The following RNF13 variants were observed in gnomAD, a reference collection of about 807,000 sequenced individuals.
RNF13 encodes ring finger protein 13.
In RNF13, 19 loss-of-function variants were observed where a neutral mutation model predicts 37.7. The observed-to-expected ratio is 0.50, with a 90% confidence interval of 0.35 to 0.74. The LOEUF is 0.74. Among genes scored for constraint, RNF13 ranks in the 30% least tolerant of loss-of-function variants. The pLI is 0.01. For synonymous variants in RNF13, 144 were observed against 157.8 expected (o/e 0.91, Z 0.65); for missense variants, 375 against 453.0 (o/e 0.83, Z 1.56).
At chr3:149,899,566 A>G (rs1420067760) in intron 5 of RNF13, among the ~76,000 whole-genome samples, 1 of 152,244 alleles carries the variant, frequency 6.6e-6, no homozygotes, top group Non-Finnish European at 1.5e-5. Context: ...TGGAGAGAAC[A>G]CTGAAGGTGA....
At chr3:149,901,860 G>A (rs1158432498) in intron 5 of RNF13, among the ~76,000 whole-genome samples, 1 of 152,128 alleles carries the variant, frequency 6.6e-6, no homozygotes, top group East Asian at 1.9e-4. Context: ...TTCAGGTAAT[G>A]TGTATATGCA....
chr3:149,890,881 C>T (rs1714626338), intron 4 of RNF13, among the ~76,000 whole-genome samples: 1 of 152,110 alleles, frequency 6.6e-6, no homozygotes, highest in Non-Finnish European at 1.5e-5. Flanking sequence ...GTATTTCATC[C>T]CACAGCCTTT....
intron 8 of RNF13, among the ~76,000 whole-genome samples, chr3:149,949,151 T>C (rs1721062233): frequency 1.3e-5 from 2 of 152,224 alleles, no homozygotes; most frequent in Admixed American, 6.5e-5. Flanking sequence ...TATTAATACA[T>C]GGTTTTATGT....
chr3:149,852,265 T>C lies in RNF13; in HGVS notation c.115-251T>C, dbSNP rs537773125. Among the ~76,000 whole-genome samples, 229 of 152,278 alleles carry C rather than the reference T, an allele frequency of 1.5e-3. 1 individual carries two copies. Among genetic ancestry groups the C allele is most frequent in the African/African-American group, 5.2e-3 (215 of 41,578 alleles). ...TCTATGGGAAAAACTCAGAAAACAG[T>C]AGGCTGAATTAGTGTTGCTGCTCGA... is the stretch of plus-strand genomic sequence containing the variant. On this transcript the variant is annotated intron_variant, in intron 2 of 9. Coordinates refer to ENST00000392894, the MANE Select transcript of RNF13 (RefSeq NM_183381.3).
intron 8 of RNF13, among the ~76,000 whole-genome samples, chr3:149,940,453 T>C (rs142920714): frequency 0.013 from 2,010 of 152,254 alleles, 52 homozygotes; most frequent in African/African-American, 0.045. Context: ...TGTTCACAAG[T>C]AAAATCAAGT....
chr3:149,902,294 T>C, intron 6 of RNF13, 132 bp downstream of exon 6: 2 of 469,958 alleles, frequency 4.3e-6, no homozygotes, highest in Non-Finnish European at 7.7e-6. Context: ...TTTTAAATCA[T>C]TATGCTTTTA....
At chr3:149,919,054 C>T (rs981291484) in intron 7 of RNF13, among the ~76,000 whole-genome samples, 5 of 152,076 alleles carry the variant, frequency 3.3e-5, no homozygotes, top group African/African-American at 4.8e-5. Flanking sequence ...TGTAAATTTG[C>T]AATAATAACT....
At chr3:149,939,057 T>G (rs1043224174) in intron 8 of RNF13, 1 of 496,210 alleles carries the variant, frequency 2.0e-6, no homozygotes, top group African/African-American at 2.0e-5. Context: ...GAAGCACTCC[T>G]CACATAATTG....
chr3:149,838,357 A>T (rs1721843941), intron 1 of RNF13, among the ~76,000 whole-genome samples: 1 of 152,092 alleles, frequency 6.6e-6, no homozygotes, highest in African/African-American at 2.4e-5. Context: ...GGGGGCTCCA[A>T]CCCCATATTT....
At chr3:149,877,604 G>A (rs570465279) in intron 4 of RNF13, among the ~76,000 whole-genome samples, 52 of 150,090 alleles carry the variant, frequency 3.5e-4, no homozygotes, top group Middle Eastern at 3.6e-3. Flanking sequence ...CTTGTCCCCA[G>A]AACATACTCT....
chr3:149,836,202 C>G (rs888282895), intron 1 of RNF13, among the ~76,000 whole-genome samples: 5 of 151,982 alleles, frequency 3.3e-5, no homozygotes, highest in Non-Finnish European at 5.9e-5. Context: ...TTGAGAATTG[C>G]CTATTCATGT....
chr3:149,884,013 C>G (rs546368287), intron 4 of RNF13, among the ~76,000 whole-genome samples: 10 of 152,228 alleles, frequency 6.6e-5, no homozygotes, highest in Admixed American at 3.3e-4. Flanking sequence ...CATTCATGTC[C>G]CTGAGAAGGA....
chr3:149,936,216 T>C (rs73157028), intron 8 of RNF13, among the ~76,000 whole-genome samples: 2,491 of 152,254 alleles, frequency 0.016, 28 homozygotes, highest in Non-Finnish European at 0.025. Flanking sequence ...GGGATAGTCT[T>C]ACTGGAGTTT....
chr3:149,878,735 A>C (rs910524183), intron 4 of RNF13, among the ~76,000 whole-genome samples: 1 of 152,172 alleles, frequency 6.6e-6, no homozygotes, highest in African/African-American at 2.4e-5. Flanking sequence ...TTTGAGAATT[A>C]TCTCTATTCT....
chr3:149,897,715 C>A (rs1715413175), intron 5 of RNF13, among the ~76,000 whole-genome samples: 1 of 152,112 alleles, frequency 6.6e-6, no homozygotes, highest in African/African-American at 2.4e-5. Context: ...TTTGCTATTA[C>A]TTGGTAGAGG....
At chr3:149,847,823 C>G (rs1351531451) in intron 2 of RNF13, among the ~76,000 whole-genome samples, 5 of 152,150 alleles carry the variant, frequency 3.3e-5, no homozygotes, top group Non-Finnish European at 7.4e-5. Flanking sequence ...TTGTGTCTCT[C>G]TTTTTCCCTC....
At chr3:149,901,524 A>G (rs1576847771) in intron 5 of RNF13, among the ~76,000 whole-genome samples, 1 of 152,198 alleles carries the variant, frequency 6.6e-6, no homozygotes, top group Non-Finnish European at 1.5e-5. Context: ...CAGGCTTACA[A>G]GGAAATAGAA....
At chr3:149,944,381 A>G (rs1192740608) in intron 8 of RNF13, among the ~76,000 whole-genome samples, 4 of 152,182 alleles carry the variant, frequency 2.6e-5, no homozygotes, top group African/African-American at 9.7e-5. Flanking sequence ...TAGATCCTTG[A>G]GGAATCACCA....
chr3:149,878,884 C>G (rs967236817), intron 4 of RNF13, among the ~76,000 whole-genome samples: 1 of 152,062 alleles, frequency 6.6e-6, no homozygotes, highest in Non-Finnish European at 1.5e-5. Context: ...TGTGGCTATG[C>G]TGAAGGAAGA....
Sources: gnomAD v4.1 joint callset for allele counts (sites outside exome capture counted in the v4.1 genomes callset) on GRCh38, gnomAD v4.1.1 for gene constraint, MANE v1.5 for transcripts, NCBI Gene and HGNC (gene_info 2026-07-23, HGNC 2026-07-21) for gene names.